Variants in NFATC1 observed in about 807,000 individuals in gnomAD.
NFATC1 encodes nuclear factor of activated T-cells, cytoplasmic 1.
A neutral mutation model predicts 76.0 loss-of-function variants in NFATC1; 22 were observed. That is an observed-to-expected ratio of 0.29 (90% CI 0.21 to 0.41). The LOEUF (loss-of-function observed/expected upper bound fraction) is 0.41, where lower values mean the gene tolerates loss of function less well. Ranked by LOEUF, NFATC1 falls within the 10% of genes least tolerant of loss-of-function variation. The pLI is 1.00. For missense variants in NFATC1, 1,357 were observed against 1,337.7 expected, an observed-to-expected ratio of 1.01 and a Z score of -0.23; for synonymous variants, 704 against 613.1, an observed-to-expected ratio of 1.15 and a Z score of -2.19.
At chr18:79,514,443 C>T (rs775021287) in intron 9 of NFATC1, among the ~76,000 whole-genome samples, 3 of 151,216 alleles carry the variant, frequency 2.0e-5, no homozygotes, top group Non-Finnish European at 2.9e-5. Flanking sequence ...GGTGTGTTGG[C>T]GCTCAGGAGC....
At chr18:79,438,428 A>G (rs1339222969) in intron 3 of NFATC1, among the ~76,000 whole-genome samples, 1 of 152,008 alleles carries the variant, frequency 6.6e-6, no homozygotes, top group African/African-American at 2.4e-5. Context: ...GGGCACGTGG[A>G]CCTCTGTGGG....
chr18:79,474,016 C>T (rs1378366296), intron 8 of NFATC1, among the ~76,000 whole-genome samples: 2 of 133,500 alleles, frequency 1.5e-5, no homozygotes, highest in Non-Finnish European at 3.1e-5. Flanking sequence ...TCACTGTCGA[C>T]GTAAACCTGA....
chr18:79,402,013 G>A (rs1051215727), intron 1 of NFATC1, among the ~76,000 whole-genome samples: 5 of 152,126 alleles, frequency 3.3e-5, no homozygotes, highest in East Asian at 1.9e-4. Flanking sequence ...GGGTCTCCCC[G>A]GCCTCCCAGG....
At chr18:79,472,387 G>A (rs897521673) in intron 8 of NFATC1, among the ~76,000 whole-genome samples, 5 of 152,160 alleles carry the variant, frequency 3.3e-5, no homozygotes, top group Non-Finnish European at 7.4e-5. Flanking sequence ...AAGCAGTTCT[G>A]GGCCGCCGCC....
At chr18:79,436,662 C>T (rs999513734) in intron 3 of NFATC1, among the ~76,000 whole-genome samples, 88 of 152,308 alleles carry the variant, frequency 5.8e-4, no homozygotes, top group African/African-American at 1.6e-3. Context: ...AGCATGGACT[C>T]TGGGTTAGGA....
intron 9 of NFATC1, chr18:79,493,652 T>TCTCC (rs1555918273): frequency 6.6e-6 from 1 of 151,704 alleles, no homozygotes; most frequent in Non-Finnish European, 1.5e-5. Context: ...AGAAGCTCCC[T>TCTCC]TCGTGGAAAG....
At chr18:79,512,331 C>T (rs985193068) in intron 9 of NFATC1, among the ~76,000 whole-genome samples, 14 of 152,194 alleles carry the variant, frequency 9.2e-5, no homozygotes, top group Admixed American at 7.2e-4. Context: ...CACCACCTGG[C>T]ACTAGGACCT....
At position 79,466,644 on chromosome 18, in the gene NFATC1, G is replaced by A. The variant is rs369961712; in HGVS notation, c.1960-806G>A. Among the ~76,000 whole-genome samples the A allele has an allele frequency of 2.1e-4, 32 of 152,336 alleles. No individual in the cohort carries two copies. The East Asian group carries it at 6.2e-3, about 29-fold the overall frequency. On this transcript the variant is annotated intron_variant, in intron 7 of 9. Transcript: ENST00000427363. ...GAGAAGGTAACGGCAGCCTCCACAC[G>A]CCGCCCTCTGCTGTCTGTGCCTCCG...
chr18:79,452,063 T>G (rs1207032119), intron 6 of NFATC1: 1 of 407,946 alleles, frequency 2.5e-6, no homozygotes, highest in East Asian at 4.5e-5. Context: ...GCCACTGCAC[T>G]CACATCGCTG....
At chr18:79,433,042 C>T (rs998166156) in intron 2 of NFATC1, among the ~76,000 whole-genome samples, 51 of 152,348 alleles carry the variant, frequency 3.3e-4, no homozygotes, top group African/African-American at 1.2e-3. Context: ...CCATGGACGC[C>T]GTGTCCCTCC....
At chr18:79,475,438 G>A (rs1159950735) in intron 8 of NFATC1, among the ~76,000 whole-genome samples, 2 of 150,424 alleles carry the variant, frequency 1.3e-5, no homozygotes, top group African/African-American at 4.9e-5. Flanking sequence ...AGGGAAGCGT[G>A]TTCTCACGCT....
At chr18:79,436,947 T>G (rs1188613275) in intron 3 of NFATC1, among the ~76,000 whole-genome samples, 2 of 152,024 alleles carry the variant, frequency 1.3e-5, no homozygotes, top group African/African-American at 4.8e-5. Flanking sequence ...CTGGCCACAT[T>G]GCCATGATCA....
chr18:79,461,270 A>G, intron 6 of NFATC1, 41 bp from the exon 7 acceptor site: 1 of 1,611,428 alleles, frequency 6.2e-7, no homozygotes, highest in Non-Finnish European at 8.5e-7. Flanking sequence ...GGGGCTCCCC[A>G]CCACACAGAG....
chr18:79,498,475 G>T (rs986700761), intron 9 of NFATC1: 2 of 152,010 alleles, frequency 1.3e-5, no homozygotes, highest in Non-Finnish European at 2.9e-5. Context: ...AAAATCAACA[G>T]ATTATTTAGA....
chr18:79,509,291 G>A (rs1016798632), intron 9 of NFATC1, among the ~76,000 whole-genome samples: 1 of 152,324 alleles, frequency 6.6e-6, no homozygotes, highest in East Asian at 1.9e-4. Context: ...TGTCCACCGC[G>A]CCTGCCGGAC....
chr18:79,462,104 C>T (rs528321453), intron 7 of NFATC1, among the ~76,000 whole-genome samples: 8 of 152,280 alleles, frequency 5.3e-5, no homozygotes, highest in African/African-American at 9.6e-5. Flanking sequence ...GGATAATGAC[C>T]GTCCTCGGAT....
intron 7 of NFATC1, among the ~76,000 whole-genome samples, chr18:79,466,488 C>T (rs1392036023): frequency 2.6e-5 from 4 of 152,300 alleles, no homozygotes; most frequent in Non-Finnish European, 5.9e-5. Context: ...TTGGGGTCTC[C>T]GTGTCCCAGC....
intron 2 of NFATC1, among the ~76,000 whole-genome samples, chr18:79,418,892 C>T (rs750067053): frequency 7.2e-5 from 11 of 152,178 alleles, no homozygotes; most frequent in Non-Finnish European, 1.6e-4. Flanking sequence ...TGTGCGTTCT[C>T]CCAGGCGTGT....
intron 6 of NFATC1, among the ~76,000 whole-genome samples, chr18:79,454,734 C>T (rs1383051977): frequency 6.6e-6 from 1 of 152,114 alleles, no homozygotes; most frequent in Admixed American, 6.5e-5. Context: ...GAATGTTCTT[C>T]CAGGAGGCAG....
Sources: allele counts gnomAD v4.1 joint callset (sites outside exome capture counted in the v4.1 genomes callset), GRCh38; gene constraint gnomAD v4.1.1; transcripts MANE v1.5; gene names NCBI Gene and HGNC (gene_info 2026-07-23, HGNC 2026-07-21).